TPRG1: variants seen among roughly 807,000 people sequenced by gnomAD.
TPRG1 encodes tumor protein p63 regulated 1.
A neutral mutation model predicts 29.3 loss-of-function variants in TPRG1; 29 were observed. That is an observed-to-expected ratio of 0.99 (90% CI 0.74 to 1.35). The LOEUF is 1.35. Among genes scored for constraint, TPRG1 ranks in the 40% most tolerant of loss-of-function variants. The probability of loss-of-function intolerance (pLI) is 0.00; values close to 1 mark genes in which losing one functional copy is unlikely to be tolerated. For missense variants in TPRG1, 327 were observed against 335.0 expected (o/e 0.98, Z 0.19); for synonymous variants, 130 against 116.8 (o/e 1.11, Z -0.73).
chr3:189,141,406 G>T (rs1422887235), intron 3 of TPRG1, among the ~76,000 whole-genome samples: 1 of 151,914 alleles, frequency 6.6e-6, no homozygotes, highest in African/African-American at 2.4e-5. Flanking sequence ...AAACCTATTT[G>T]TGTGCCAGAC....
chr3:189,068,093 G>T (rs1716570529), intron 4 of TPRG1, among the ~76,000 whole-genome samples: 1 of 152,078 alleles, frequency 6.6e-6, no homozygotes, highest in African/African-American at 2.4e-5. Context: ...TATCAGCAGA[G>T]AAATGTAATT....
Position 189,321,782 on chromosome 3 carries a change from G to A in TPRG1, c.*962G>A, listed in dbSNP as rs1008027788. ...AATCTTTTGTAGAAGCAGCATATACGAAGCAGATAAAAGTAGGTTCAATGC... is the reference window on the plus strand; with the variant it reads ...AATCTTTTGTAGAAGCAGCATATACAAAGCAGATAAAAGTAGGTTCAATGC... On this transcript the variant is annotated 3_prime_UTR_variant, in exon 6 of 6. Coordinates refer to ENST00000345063, the MANE Select transcript of TPRG1 (RefSeq NM_198485.4). The A allele has an allele frequency of 2.6e-5, 4 of 152,032 alleles. No homozygotes were observed. The highest frequency in any genetic ancestry group is 4.8e-5 in the African/African-American group (2 of 41,400). 9.4% of individuals were successfully genotyped at this position (152,032 alleles called of 1,614,324 possible).
intron 3 of TPRG1, among the ~76,000 whole-genome samples, chr3:189,141,010 C>G (rs971908933): frequency 1.7e-4 from 26 of 152,114 alleles, no homozygotes; most frequent in African/African-American, 6.3e-4. Flanking sequence ...AAAAGTGGAC[C>G]TATTTGCACA....
chr3:189,248,156 A>G (rs1741633515), intron 4 of TPRG1, among the ~76,000 whole-genome samples: 3 of 151,918 alleles, frequency 2.0e-5, no homozygotes, highest in African/African-American at 4.8e-5. Context: ...GATAAACACT[A>G]CAACTTTCTC....
chr3:189,255,277 T>C (rs1711637474), intron 4 of TPRG1, among the ~76,000 whole-genome samples: 1 of 152,234 alleles, frequency 6.6e-6, no homozygotes, highest in Non-Finnish European at 1.5e-5. Context: ...TTTATTGAGA[T>C]AATCATGTGG....
At chr3:189,139,005 C>CA (rs768787187) in intron 3 of TPRG1, among the ~76,000 whole-genome samples, 4 of 152,018 alleles carry the variant, frequency 2.6e-5, no homozygotes, top group East Asian at 1.9e-4. Flanking sequence ...AGAAAATGGA[C>CA]AAAAAATCAC....
chr3:189,194,854 T>G (rs1469138650), intron 1 of TPRG1, among the ~76,000 whole-genome samples: 1 of 152,040 alleles, frequency 6.6e-6, no homozygotes, highest in Non-Finnish European at 1.5e-5. Flanking sequence ...ATGGCTATTA[T>G]CTGAGCCCTG....
At chr3:189,296,121 T>A (rs1719880335) in intron 4 of TPRG1, among the ~76,000 whole-genome samples, 1 of 152,218 alleles carries the variant, frequency 6.6e-6, no homozygotes, top group Non-Finnish European at 1.5e-5. Context: ...TTATTTTGCT[T>A]TTGCCTTGAG....
chr3:189,203,244 T>A (rs554595449), intron 1 of TPRG1, among the ~76,000 whole-genome samples: 7 of 152,274 alleles, frequency 4.6e-5, no homozygotes, highest in African/African-American at 1.4e-4. Flanking sequence ...CTATATTAAA[T>A]TTAGTTCTGA....
chr3:189,176,964 T>A (rs771510785), intron 1 of TPRG1, among the ~76,000 whole-genome samples: 1 of 152,208 alleles, frequency 6.6e-6, no homozygotes, highest in African/African-American at 2.4e-5. Context: ...GTCTGACTTA[T>A]GTTTGAAAGG....
At chr3:189,080,095 T>C (rs1717489822) in intron 4 of TPRG1, among the ~76,000 whole-genome samples, 1 of 152,202 alleles carries the variant, frequency 6.6e-6, no homozygotes, top group African/African-American at 2.4e-5. Flanking sequence ...AAGGGCTACA[T>C]TATATGGCAA....
At chr3:189,294,613 A>G (rs1271633991) in intron 4 of TPRG1, among the ~76,000 whole-genome samples, 1 of 152,190 alleles carries the variant, frequency 6.6e-6, no homozygotes, top group African/African-American at 2.4e-5. Context: ...GGAAATACAC[A>G]GGTCTTGTTT....
At chr3:189,089,000 CTATCT>C (rs1325178688) in intron 4 of TPRG1, among the ~76,000 whole-genome samples, 1 of 151,124 alleles carries the variant, frequency 6.6e-6, no homozygotes, top group Admixed American at 6.6e-5. Context: ...ATCTATCTAT[CTATCT>C]ATCTATCTAT....
At chr3:189,312,079 ATGTT>A (rs1560688415) in intron 5 of TPRG1, among the ~76,000 whole-genome samples, 29 of 122,124 alleles carry the variant, frequency 2.4e-4, no homozygotes, top group African/African-American at 1.0e-3. Flanking sequence ...AGAACACTTT[ATGTT>A]TCTTTCTTTC....
Position 189,048,773 on chromosome 3 carries a change from G to A in TPRG1, c.-463+24827G>A, listed in dbSNP as rs905706305. On this transcript the variant is annotated intron_variant, in intron 4 of 10. Coordinates refer to the TPRG1 transcript ENST00000433971. Reference sequence around the variant, plus strand: ...GACCCACAGACCCTCTGAAGGAAGCGAATGCTCCTGCAGGACCTGGGAGAC... The same window carrying A: ...GACCCACAGACCCTCTGAAGGAAGCAAATGCTCCTGCAGGACCTGGGAGAC... Among the ~76,000 whole-genome samples the A allele has an allele frequency of 4.0e-4, 61 of 152,258 alleles. 1 individual carries two copies. The highest frequency in any genetic ancestry group is 1.0e-4 in the Non-Finnish European group (7 of 68,012).
intron 5 of TPRG1, chr3:189,315,679 A>G: frequency 3.1e-6 from 1 of 322,146 alleles, no homozygotes; most frequent in South Asian, 2.4e-5. Context: ...AATTAAATTT[A>G]ACTTTATACT....
Position 189,094,884 on chromosome 3 carries a change from C to T in TPRG1, c.-462-32173C>T, listed in dbSNP as rs76936975. ...CTGAAGCCTTCCTCCTTGCTCTGGT[C>T]GAGGCAGGGAGCAGGCCCATCCATC... On this transcript the variant is annotated intron_variant, in intron 4 of 10. Coordinates refer to the TPRG1 transcript ENST00000433971. Among the ~76,000 whole-genome samples, 1,356 of 152,196 alleles carry T rather than the reference C, an allele frequency of 8.9e-3. 21 individuals carry two copies. Among genetic ancestry groups the T allele is most frequent in the African/African-American group, 0.031 (1,305 of 41,520 alleles).
At chr3:189,179,639 G>A (rs1729950811) in intron 1 of TPRG1, among the ~76,000 whole-genome samples, 1 of 152,166 alleles carries the variant, frequency 6.6e-6, no homozygotes, top group Non-Finnish European at 1.5e-5. Context: ...CTCCTTAAGG[G>A]AAGAAATTGT....
intron 4 of TPRG1, among the ~76,000 whole-genome samples, chr3:189,287,893 G>T (rs199843947): frequency 1.3e-5 from 2 of 151,982 alleles, no homozygotes; most frequent in African/African-American, 2.4e-5. Flanking sequence ...GGGAATTTGC[G>T]AAAAGATTGA....
Sources: gnomAD v4.1 joint callset for allele counts (sites outside exome capture counted in the v4.1 genomes callset) on GRCh38, gnomAD v4.1.1 for gene constraint, MANE v1.5 for transcripts, NCBI Gene and HGNC (gene_info 2026-07-23, HGNC 2026-07-21) for gene names.